The following RIN3 variants were observed in gnomAD, a reference collection of about 807,000 sequenced individuals.
The protein encoded by RIN3 is Ras and Rab interactor 3.
A neutral mutation model predicts 76.3 loss-of-function variants in RIN3; 54 were observed. That is an observed-to-expected ratio of 0.71 (90% CI 0.57 to 0.89). The LOEUF (loss-of-function observed/expected upper bound fraction) is 0.89, where lower values mean the gene tolerates loss of function less well. Among genes scored for constraint, RIN3 ranks in the 40% least tolerant of loss-of-function variants. RIN3 has a pLI of 0.00. For missense variants in RIN3, 1,256 were observed against 1,322.1 expected, an observed-to-expected ratio of 0.95 and a Z score of 0.78; for synonymous variants, 576 against 564.0, an observed-to-expected ratio of 1.02 and a Z score of -0.30.
chr14:92,598,730 G>A (rs942876834), intron 3 of RIN3, among the ~76,000 whole-genome samples: 2 of 152,152 alleles, frequency 1.3e-5, no homozygotes, highest in Non-Finnish European at 2.9e-5. Flanking sequence ...TGTTTACTTT[G>A]GGATGCAAGA....
At position 92,652,912 on chromosome 14, in the gene RIN3, G is replaced by A; in HGVS notation, c.1863G>A (p.Gln621=). Residue 621 remains glutamine, a synonymous_variant, in exon 6 of 10, where the codon CAG becomes CAA. Transcript: ENST00000216487. This position sits in a 1 kb window ranked among gnomAD's most constrained non-coding sequence, Gnocchi z 6.4. The stretch of plus-strand genomic sequence containing the variant: ...GCTCGTACTTTGGCAGCCTGGTGCA[G>A]GACTACAAGGTGTACAGCCTGGAGA... ...DKGSYFGSLV[Q]DYKVYSLEMM... The A allele has an allele frequency of 1.9e-6, 3 of 1,614,060 alleles. No individual in the cohort carries two copies. Among genetic ancestry groups the A allele is most frequent in the Non-Finnish European group, 2.5e-6 (3 of 1,180,042 alleles).
At chr14:92,580,991 A>T (rs975407373) in intron 3 of RIN3, among the ~76,000 whole-genome samples, 2 of 152,158 alleles carry the variant, frequency 1.3e-5, no homozygotes, top group African/African-American at 4.8e-5. Context: ...TATATAGAAA[A>T]CTTGATTGAC....
chr14:92,537,013 T>C (rs1897017370), intron 1 of RIN3, among the ~76,000 whole-genome samples: 1 of 152,036 alleles, frequency 6.6e-6, no homozygotes, highest in South Asian at 2.1e-4. Context: ...AAAATATATA[T>C]ATATATAATG....
At chr14:92,674,056 A>T (rs1050637485) in intron 7 of RIN3, among the ~76,000 whole-genome samples, 1 of 152,214 alleles carries the variant, frequency 6.6e-6, no homozygotes, top group Non-Finnish European at 1.5e-5. Flanking sequence ...CATATGGGGC[A>T]CGCAGTTTTC....
rs369913502 is a variant in RIN3, at chr14:92,676,541, C to T, written c.2402C>T (p.Thr801Met). 6.4e-5 allele frequency: 103 copies of T among 1,614,022 alleles called. No individual in the cohort carries two copies. Among genetic ancestry groups the T allele is most frequent in the Admixed American group, 1.5e-4 (9 of 59,994 alleles). Residue 801 changes from threonine to methionine, a missense_variant, in exon 8 of 10, where the codon ACG (threonine) becomes ATG (methionine). Coordinates refer to ENST00000216487, the MANE Select transcript of RIN3 (RefSeq NM_024832.5). ...TATGTGCTGGCCCGCAGCAACCTCA[C>T]GGAGATGCTTCTCAATGTGGAGTAC... ...LMYVLARSNL[T>M]EMLLNVEYMM... is the part of the protein sequence containing the mutation.
At chr14:92,561,914 G>C (rs547601117) in intron 2 of RIN3, among the ~76,000 whole-genome samples, 296 of 152,214 alleles carry the variant, frequency 1.9e-3, no homozygotes, top group African/African-American at 6.7e-3. Flanking sequence ...TTGAGCTCCT[G>C]GGCTCAAGCA....
chr14:92,656,637 G>T lies in RIN3; in HGVS notation c.2027-2524G>T, dbSNP rs1887678330. Among the ~76,000 whole-genome samples the T allele has an allele frequency of 6.6e-6, 1 of 152,242 alleles. No homozygotes were observed. The highest frequency in any genetic ancestry group is 2.1e-4 in the South Asian group (1 of 4,834). On this transcript the variant is annotated intron_variant, in intron 6 of 9. Coordinates refer to ENST00000216487, the MANE Select transcript of RIN3 (RefSeq NM_024832.5). This position sits in a 1 kb window ranked among gnomAD's most constrained non-coding sequence, Gnocchi z 5.2. ...TTGTCCTGGCAGGTGATATGGCAAAGTGTCACCAGAGCCTGCCGTGGGCAC... is the reference window on the plus strand; with the variant it reads ...TTGTCCTGGCAGGTGATATGGCAAATTGTCACCAGAGCCTGCCGTGGGCAC...
At chr14:92,673,046 C>T (rs1377362051) in intron 7 of RIN3, among the ~76,000 whole-genome samples, 1 of 151,898 alleles carries the variant, frequency 6.6e-6, no homozygotes, top group Non-Finnish European at 1.5e-5. Flanking sequence ...CTTTGGGAGG[C>T]TGAGGCAGGT....
chr14:92,527,881 T>TTTA (rs564011804), intron 1 of RIN3, among the ~76,000 whole-genome samples: 3 of 151,964 alleles, frequency 2.0e-5, no homozygotes, highest in African/African-American at 7.2e-5. Context: ...TACCAGTGTG[T>TTTA]TTATCCCTTC....
chr14:92,627,135 C>G (rs914774429), intron 4 of RIN3, among the ~76,000 whole-genome samples: 2 of 152,198 alleles, frequency 1.3e-5, no homozygotes, highest in Non-Finnish European at 2.9e-5. Context: ...TATCCCCGTC[C>G]TTACCTTTCC....
At chr14:92,600,595 C>A (rs1885307452) in intron 3 of RIN3, among the ~76,000 whole-genome samples, 2 of 152,342 alleles carry the variant, frequency 1.3e-5, no homozygotes, top group South Asian at 4.1e-4. Context: ...GAGACTGAGT[C>A]ATGGGCCGTC....
At chr14:92,680,738 C>T (rs370835621) in intron 8 of RIN3, among the ~76,000 whole-genome samples, 4 of 152,192 alleles carry the variant, frequency 2.6e-5, no homozygotes, top group East Asian at 1.9e-4. Context: ...ATTCTGTGTT[C>T]GACAGAAAGC....
chr14:92,639,222 A>G (rs994339858), intron 4 of RIN3, among the ~76,000 whole-genome samples: 4 of 152,254 alleles, frequency 2.6e-5, no homozygotes, highest in African/African-American at 9.6e-5. Flanking sequence ...TGCAGACAGC[A>G]AAGCCATGAA....
In RIN3 at chr14:92,524,577, G is replaced by T. The variant is rs117236858; in HGVS notation, c.44+10601G>T. Among the ~76,000 whole-genome samples the T allele has an allele frequency of 7.0e-4, 107 of 152,338 alleles. 2 individuals are homozygous for T. The East Asian group carries it at 8.1e-3, about 12-fold the overall frequency. On this transcript the variant is annotated intron_variant, in intron 1 of 9. Coordinates refer to ENST00000216487, the MANE Select transcript of RIN3 (RefSeq NM_024832.5). ...CCCAAGAATGGCCTGGGATTTAGCTGGGTGGGCTGTCTGGAGGAGCTGGGC... is the reference window on the plus strand; with the variant it reads ...CCCAAGAATGGCCTGGGATTTAGCTTGGTGGGCTGTCTGGAGGAGCTGGGC...
At position 92,685,191 on chromosome 14, in the gene RIN3, C is replaced by G; in HGVS notation, c.2631+41C>G. The G allele has an allele frequency of 6.5e-7, 1 of 1,541,398 alleles. No homozygotes were observed. Among genetic ancestry groups the G allele is most frequent in the Non-Finnish European group, 8.8e-7 (1 of 1,136,284 alleles). On this transcript the variant is annotated intron_variant, in intron 9 of 9. Transcript: ENST00000216487. This position sits in a 1 kb window ranked among gnomAD's most constrained non-coding sequence, Gnocchi z 4.7. ...GGGAGGGGCCCGGTGGGGCCATGTC[C>G]CAGACACCATCCCTGCTGCCTGCTG...
intron 3 of RIN3, among the ~76,000 whole-genome samples, chr14:92,596,409 GC>G (rs1461398558): frequency 1.3e-5 from 2 of 152,156 alleles, no homozygotes; most frequent in African/African-American, 4.8e-5. Context: ...GCTGAAGTGT[GC>G]CCCCGGATGT....
rs1480661170 is a variant in RIN3, at chr14:92,618,516, T to A, written c.440+3037T>A. Among the ~76,000 whole-genome samples, 4 of 152,202 alleles carry A rather than the reference T, an allele frequency of 2.6e-5. No individual in the cohort carries two copies. In the East Asian group the frequency reaches 7.7e-4, roughly 29 times the overall value. On this transcript the variant is annotated intron_variant, in intron 4 of 9. Transcript: ENST00000216487. The stretch of plus-strand genomic sequence containing the variant: ...GGCAAGGACAGTCTTTCTCTGATGT[T>A]CTCAGAAGATCTAAACTATAAAAGC...
chr14:92,561,019 CTA>C (rs1897747243), intron 2 of RIN3, among the ~76,000 whole-genome samples: 1 of 13,064 alleles, frequency 7.7e-5, no homozygotes. Context: ...GAAACTCTGT[CTA>C]AAAAAAAAAA....
chr14:92,615,370 AC>A (rs754736110), intron 3 of RIN3, 36 bp from the exon 4 acceptor site: 1 of 1,585,630 alleles, frequency 6.3e-7, no homozygotes, highest in Admixed American at 1.7e-5. Flanking sequence ...TTGGCAGGAT[AC>A]TCACCTCACC....
Sources: gnomAD v4.1 joint callset for allele counts (sites outside exome capture counted in the v4.1 genomes callset) on GRCh38, gnomAD v4.1.1 for gene constraint, Gnocchi (gnomAD v3.1) non-coding constraint, MANE v1.5 for transcripts, NCBI Gene and HGNC (gene_info 2026-07-23, HGNC 2026-07-21) for gene names.